KIFC3: variants seen among roughly 807,000 people sequenced by gnomAD.
KIFC3 encodes the protein kinesin family member C3.
In KIFC3, 60 loss-of-function variants were observed where a neutral mutation model predicts 101.8. The ratio of observed to expected loss-of-function variants is 0.59; its 90% CI spans 0.48 to 0.73. The LOEUF (loss-of-function observed/expected upper bound fraction) is 0.73. Among genes scored for constraint, KIFC3 ranks in the 30% least tolerant of loss-of-function variants. The probability of loss-of-function intolerance (pLI) is 0.00; values close to 1 mark genes in which losing one functional copy is unlikely to be tolerated. For synonymous variants in KIFC3, 476 were observed against 482.7 expected, an observed-to-expected ratio of 0.99 and a Z score of 0.18; for missense variants, 966 against 1,137.1, an observed-to-expected ratio of 0.85 and a Z score of 2.16.
At position 57,836,868 on chromosome 16, in the gene KIFC3, T is replaced by A. The variant is rs531992761; in HGVS notation, c.108+25861A>T. On this transcript the variant is annotated intron_variant, in intron 1 of 2. Coordinates refer to the KIFC3 transcript ENST00000563028. ...CATCATAAGCTGCTAATTTTTAAAA[T>A]TTTTTTGTAGAGATAGGGTCTTGTG... Among the ~76,000 whole-genome samples the A allele has an allele frequency of 3.3e-5, 5 of 152,158 alleles. No individual in the cohort carries two copies. In the South Asian group the frequency reaches 1.0e-3, roughly 32 times the overall value.
intron 1 of KIFC3, chr16:57,815,712 G>T: frequency 4.1e-6 from 5 of 1,216,118 alleles, no homozygotes; most frequent in Non-Finnish European, 5.4e-6. Flanking sequence ...GCAAATATCT[G>T]TCTACTCCCT....
chr16:57,808,400 C>A (rs533839831), intron 1 of KIFC3, among the ~76,000 whole-genome samples: 7 of 152,200 alleles, frequency 4.6e-5, no homozygotes, highest in Non-Finnish European at 8.8e-5. Context: ...AAGTGTTCTG[C>A]CGCTTCTCTC....
intron 2 of KIFC3, chr16:57,797,679 G>T: frequency 8.9e-7 from 1 of 1,125,496 alleles, no homozygotes; most frequent in Non-Finnish European, 1.1e-6. Context: ...AGCGGCGCTT[G>T]GTGCCCAGGC....
intron 1 of KIFC3, among the ~76,000 whole-genome samples, chr16:57,841,110 A>C (rs1392776579): frequency 6.6e-6 from 1 of 152,244 alleles, no homozygotes; most frequent in African/African-American, 2.4e-5. Context: ...GCAGAGACGG[A>C]ACAATAGACG....
chr16:57,761,552 A>G lies in KIFC3; in HGVS notation c.1749-16T>C, dbSNP rs782396616. On this transcript the variant is annotated splice_polypyrimidine_tract_variant and intron_variant, in intron 13 of 19. Transcript: ENST00000445690. ...TAGCAGGTCCCTGGAGGGGCAGGTGAGACAGTCACCCCCTCCTCCCATTTC... is the reference window on the plus strand; with the variant it reads ...TAGCAGGTCCCTGGAGGGGCAGGTGGGACAGTCACCCCCTCCTCCCATTTC... 6.2e-7 allele frequency: 1 copy of G among 1,609,996 alleles called. No individual in the cohort carries two copies. The highest frequency in any genetic ancestry group is 1.1e-5 in the South Asian group (1 of 90,978).
intron 1 of KIFC3, among the ~76,000 whole-genome samples, chr16:57,812,275 C>T (rs1206926832): frequency 3.3e-5 from 5 of 151,474 alleles, no homozygotes; most frequent in African/African-American, 1.2e-4. Context: ...ATCTCCTGAC[C>T]TCATGATCTG....
At chr16:57,830,779 A>G (rs1431064731) in intron 1 of KIFC3, 1 of 152,252 alleles carries the variant, frequency 6.6e-6, no homozygotes, top group Non-Finnish European at 1.5e-5. Flanking sequence ...ATATTTATTC[A>G]TTGGTTTGAG....
chr16:57,765,459 G>T lies in KIFC3; in HGVS notation c.1512C>A (p.Asp504Glu). Residue 504 changes from aspartate to glutamate, a missense_variant and splice_region_variant, in exon 11 of 20, where the codon GAC becomes GAA. Around this residue, in one of 2 missense-constraint regions of KIFC3, gnomAD observed 689 missense variants for 884.6 expected, o/e 0.78. Transcript: ENST00000445690. ...KVFSPQASQQDVFQEVQALVT... is the reference protein window; with the variant it reads ...KVFSPQASQQEVFQEVQALVT... Reference sequence around the variant, plus strand: ...CTTTCCCGCATGGGGCCACACTCACGTCCTGCTGCGAGGCCTGTGGGGAGA... The same window carrying T: ...CTTTCCCGCATGGGGCCACACTCACTTCCTGCTGCGAGGCCTGTGGGGAGA... 1 of 1,576,084 alleles carries T rather than the reference G, an allele frequency of 6.3e-7. No homozygotes were observed. Among genetic ancestry groups the T allele is most frequent in the Non-Finnish European group, 8.6e-7 (1 of 1,158,908 alleles).
At chr16:57,760,475 G>A (rs1470879620) in intron 16 of KIFC3, 59 bp from the exon 17 acceptor site, 8 of 1,581,296 alleles carry the variant, frequency 5.1e-6, no homozygotes, top group South Asian at 3.4e-5. Flanking sequence ...ACAGGGTCAC[G>A]AGAGGGAGCT....
At position 57,802,378 on chromosome 16, in the gene KIFC3, C is replaced by A. The variant is rs1292045914; in HGVS notation, c.-48G>T. 4.1e-6 allele frequency: 4 copies of A among 983,454 alleles called. No homozygotes were observed. Among genetic ancestry groups the A allele is most frequent in the South Asian group, 4.7e-5 (1 of 21,308 alleles). The allele number at this position is 983,454 out of a possible 1,614,324, so 60.9% of individuals were successfully genotyped here. ...CCGGGCCCCCCACTCACCGGCCTGG[C>A]GGAGGCAGGATCCAGGCGTCGCCGC... On this transcript the variant is annotated 5_prime_UTR_variant, in exon 1 of 20. Coordinates refer to ENST00000445690, the MANE Select transcript of KIFC3 (RefSeq NM_001130100.2). The surrounding 1 kb of genome is among the most constrained non-coding windows in gnomAD (Gnocchi z 5.0).
intron 1 of KIFC3, among the ~76,000 whole-genome samples, chr16:57,812,527 C>G (rs1555627968): frequency 6.6e-6 from 1 of 152,110 alleles, no homozygotes. Flanking sequence ...CAGCTGCTGA[C>G]CGAGTGTGAT....
rs1555597630 is a variant in KIFC3, at chr16:57,761,496, G to A, written c.1789C>T (p.Arg597Trp). 3.7e-6 allele frequency: 6 copies of A among 1,613,710 alleles called. No individual in the cohort carries two copies. Among genetic ancestry groups the A allele is most frequent in the Non-Finnish European group, 5.1e-6 (6 of 1,179,866 alleles). Residue 597 changes from arginine (R) to tryptophan (W), a missense_variant, in exon 14 of 20, where the codon CGG becomes TGG. Around this residue, in one of 2 missense-constraint regions of KIFC3, gnomAD observed 689 missense variants for 884.6 expected, o/e 0.78. Transcript: ENST00000445690. ...GKEPQEKLEI[R>W]LCPDGSGQLY... ...TGCCCACTGCCGTCTGGGCACAGCC[G>A]GATCTCCAGTTTTTCCTGAGGCTCT...
At chr16:57,853,707 C>A (rs1462134455) in intron 1 of KIFC3, among the ~76,000 whole-genome samples, 1 of 152,198 alleles carries the variant, frequency 6.6e-6, no homozygotes, top group African/African-American at 2.4e-5. Context: ...TCTCCGCTCA[C>A]TGCAACCTCC....
chr16:57,794,084 T>C (rs2054103133), intron 3 of KIFC3, among the ~76,000 whole-genome samples: 1 of 152,180 alleles, frequency 6.6e-6, no homozygotes. Flanking sequence ...TATCCTGAGA[T>C]TGTTATGAGT....
intron 3 of KIFC3, chr16:57,775,246 G>A: frequency 7.6e-7 from 1 of 1,314,264 alleles, no homozygotes; most frequent in Non-Finnish European, 9.7e-7. Context: ...GGGAGTTGAG[G>A]AAGGGGCTCT....
upstream of KIFC3, among the ~76,000 whole-genome samples, chr16:57,807,420 G>A (rs2054962138): frequency 6.6e-6 from 1 of 152,132 alleles, no homozygotes; most frequent in Non-Finnish European, 1.5e-5. Context: ...GCTCCTCAGT[G>A]GGCATGGAGA....
chr16:57,774,872 C>A, intron 3 of KIFC3: 1 of 1,390,278 alleles, frequency 7.2e-7, no homozygotes, highest in Non-Finnish European at 9.3e-7. Context: ...ACTCTCCCTA[C>A]CCTGACATAA....
intron 3 of KIFC3, chr16:57,785,302 C>T (rs1187524069): frequency 4.7e-6 from 1 of 213,000 alleles, no homozygotes; most frequent in Non-Finnish European, 9.1e-6. Context: ...GATGGGAGGC[C>T]TCTGACTCTC....
intron 3 of KIFC3, among the ~76,000 whole-genome samples, chr16:57,789,188 G>A (rs2053631318): frequency 6.6e-6 from 1 of 152,242 alleles, no homozygotes; most frequent in African/African-American, 2.4e-5. Flanking sequence ...GGACTGCCAA[G>A]GAGGCTGCGC....
Sources: gnomAD v4.1 joint callset for allele counts (sites outside exome capture counted in the v4.1 genomes callset) on GRCh38, gnomAD v4.1.1 for gene constraint, gnomAD v4.1.1 regional missense constraint, Gnocchi (gnomAD v3.1) non-coding constraint, MANE v1.5 for transcripts, NCBI Gene and HGNC (gene_info 2026-07-23, HGNC 2026-07-21) for gene names.